The following NLGN1 variants were observed in gnomAD, a reference collection of about 807,000 sequenced individuals.
NLGN1 encodes neuroligin 1.
A neutral mutation model predicts 65.5 loss-of-function variants in NLGN1; 12 were observed. That is an observed-to-expected ratio of 0.18 (90% CI 0.12 to 0.30). NLGN1 has a LOEUF of 0.30. NLGN1 is among the 10% of genes least tolerant of loss of function. NLGN1 has a pLI of 1.00. For synonymous variants in NLGN1, 350 were observed against 359.5 expected (o/e 0.97, Z 0.30); for missense variants, 750 against 1,007.1 (o/e 0.74, Z 3.46).
chr3:173,881,227 T>A (rs1733194054), intron 4 of NLGN1, among the ~76,000 whole-genome samples: 1 of 149,662 alleles, frequency 6.7e-6, no homozygotes, highest in African/African-American at 2.5e-5. Flanking sequence ...GCCCCCAGAG[T>A]AGCTGGGACA....
At chr3:173,759,762 A>T (rs1228498064) in intron 3 of NLGN1, among the ~76,000 whole-genome samples, 1 of 151,920 alleles carries the variant, frequency 6.6e-6, no homozygotes, top group Non-Finnish European at 1.5e-5. Context: ...TTCTACTAGG[A>T]TGTCAGCATT....
intron 4 of NLGN1, among the ~76,000 whole-genome samples, chr3:174,123,677 A>G (rs1279138903): frequency 6.6e-6 from 1 of 152,220 alleles, no homozygotes; most frequent in African/African-American, 2.4e-5. Context: ...TGAATATCAT[A>G]GCCGGCACCC....
chr3:173,987,074 G>A (rs1720111481), intron 4 of NLGN1, among the ~76,000 whole-genome samples: 1 of 152,156 alleles, frequency 6.6e-6, no homozygotes, highest in African/African-American at 2.4e-5. Context: ...GCTTGACCAG[G>A]CAACATTTTG....
chr3:173,858,699 A>G (rs1167488751), intron 4 of NLGN1, among the ~76,000 whole-genome samples: 2 of 152,078 alleles, frequency 1.3e-5, no homozygotes, highest in Non-Finnish European at 2.9e-5. Context: ...TTTATTTGGA[A>G]TGTCAGTTTT....
chr3:173,725,632 A>T (rs993437669), intron 3 of NLGN1, among the ~76,000 whole-genome samples: 2 of 152,230 alleles, frequency 1.3e-5, no homozygotes, highest in Admixed American at 1.3e-4. Context: ...ATAGCTAATC[A>T]CTACAAGCGT....
intron 4 of NLGN1, among the ~76,000 whole-genome samples, chr3:173,948,446 G>A (rs903653555): frequency 2.0e-5 from 3 of 152,290 alleles, no homozygotes; most frequent in African/African-American, 7.2e-5. Context: ...AGTTGAGACG[G>A]CCAAAAGACA....
chr3:174,278,230 G>T (rs1218677824), intron 5 of NLGN1, among the ~76,000 whole-genome samples: 1 of 151,902 alleles, frequency 6.6e-6, no homozygotes, highest in Non-Finnish European at 1.5e-5. Flanking sequence ...GTCTTCTTCT[G>T]AAAGATGAAT....
intron 4 of NLGN1, among the ~76,000 whole-genome samples, chr3:174,231,567 A>G (rs1740711472): frequency 6.6e-6 from 1 of 152,202 alleles, no homozygotes; most frequent in Non-Finnish European, 1.5e-5. Flanking sequence ...ACTCAAATAC[A>G]GAAGTACGCA....
At chr3:173,833,505 CTCTA>C (rs1310993239) in intron 4 of NLGN1, among the ~76,000 whole-genome samples, 2 of 151,522 alleles carry the variant, frequency 1.3e-5, no homozygotes, top group Non-Finnish European at 2.9e-5. Context: ...ATAGTTTATC[CTCTA>C]TCTTTTATTT....
intron 4 of NLGN1, among the ~76,000 whole-genome samples, chr3:174,143,121 C>T (rs1722602498): frequency 1.3e-5 from 2 of 152,164 alleles, no homozygotes; most frequent in Non-Finnish European, 2.9e-5. Context: ...GGATCCACTC[C>T]ATCAATCCAA....
At chr3:174,098,047 C>G (rs986450145) in intron 4 of NLGN1, among the ~76,000 whole-genome samples, 3 of 152,146 alleles carry the variant, frequency 2.0e-5, no homozygotes, top group African/African-American at 7.2e-5. Context: ...CTGATAAAAT[C>G]AAAGCATTTC....
rs6787975 is a variant in NLGN1 at position 173,587,201 on chromosome 3, T to G, written c.-320-17078T>G. Among the ~76,000 whole-genome samples the G allele has an allele frequency of 9.0e-3, 1,371 of 152,302 alleles. 21 individuals carry two copies. Among genetic ancestry groups the G allele is most frequent in the African/African-American group, 0.032 (1,320 of 41,578 alleles). ...CCTTTGTAGTGCCTGGAAAATACAT[T>G]TCTGTCAGAATAAACAATACTTTCT... On this transcript the variant is annotated intron_variant, in intron 2 of 6. Coordinates refer to ENST00000457714, the Ensembl canonical transcript of NLGN1.
chr3:174,264,683 CGTCAAA>C (rs1407804181), intron 4 of NLGN1, among the ~76,000 whole-genome samples: 8 of 151,710 alleles, frequency 5.3e-5, no homozygotes, highest in Non-Finnish European at 8.8e-5. Context: ...CCCCTCAGCT[CGTCAAA>C]GTCATTCTCC....
At chr3:174,054,051 G>A (rs936093594) in intron 4 of NLGN1, among the ~76,000 whole-genome samples, 1 of 151,872 alleles carries the variant, frequency 6.6e-6, no homozygotes, top group South Asian at 2.1e-4. Flanking sequence ...AACTTTTAAG[G>A]ACATAACAAC....
intron 3 of NLGN1, among the ~76,000 whole-genome samples, chr3:173,680,553 G>GA (rs1179463055): frequency 6.6e-6 from 1 of 151,970 alleles, no homozygotes; most frequent in Non-Finnish European, 1.5e-5. Context: ...TTAAAATTCT[G>GA]AAAAAACGAA....
intron 4 of NLGN1, among the ~76,000 whole-genome samples, chr3:174,066,556 C>CTG (rs1176839455): frequency 2.5e-4 from 33 of 133,918 alleles, no homozygotes; most frequent in African/African-American, 9.8e-4. Context: ...CTCTCTCTCT[C>CTG]TCTCTCTCTG....
At chr3:173,752,572 C>G (rs1776462046) in intron 3 of NLGN1, among the ~76,000 whole-genome samples, 1 of 152,108 alleles carries the variant, frequency 6.6e-6, no homozygotes, top group Non-Finnish European at 1.5e-5. Flanking sequence ...GTTTAAAAAG[C>G]TTAAAGTCCA....
chr3:174,288,531 G>A (rs1029044437), downstream of NLGN1, among the ~76,000 whole-genome samples: 8 of 150,686 alleles, frequency 5.3e-5, no homozygotes, highest in Admixed American at 1.3e-4. Context: ...CGTCTTCATC[G>A]CCTGAATTGA....
intron 4 of NLGN1, among the ~76,000 whole-genome samples, chr3:173,844,266 A>G (rs1056786640): frequency 7.9e-5 from 12 of 152,200 alleles, no homozygotes; most frequent in Non-Finnish European, 1.5e-4. Context: ...AAACTATATC[A>G]CAGCCCTTGT....
Sources: allele counts gnomAD v4.1 joint callset (sites outside exome capture counted in the v4.1 genomes callset), GRCh38; gene constraint gnomAD v4.1.1; transcripts MANE v1.5; gene names NCBI Gene and HGNC (gene_info 2026-07-23, HGNC 2026-07-21).